The following TMPRSS9 variants were observed in gnomAD, a reference collection of about 807,000 sequenced individuals.
TMPRSS9 encodes the protein transmembrane serine protease 9, also known as transmembrane protease serine 9.
In TMPRSS9, 113 loss-of-function variants were observed where a neutral mutation model predicts 111.4. The observed-to-expected ratio is 1.01, with a 90% confidence interval of 0.87 to 1.19. The LOEUF (loss-of-function observed/expected upper bound fraction) is 1.19, where lower values mean the gene tolerates loss of function less well. TMPRSS9 is among the 50% of genes most tolerant of loss of function. The pLI, the probability that TMPRSS9 is intolerant of heterozygous loss-of-function variation, is 0.00. For missense variants in TMPRSS9, 1,803 were observed against 1,513.1 expected (o/e 1.19, Z -3.18); for synonymous variants, 805 against 659.1 (o/e 1.22, Z -3.39).
At chr19:2,414,262 C>T (rs966884166) in intron 10 of TMPRSS9, 16 of 407,206 alleles carry the variant, frequency 3.9e-5, no homozygotes, top group East Asian at 1.9e-4. Flanking sequence ...TTTTTTGAGA[C>T]GCAGTCTTGC....
At chr19:2,421,940 T>C in exon 14 of TMPRSS9, 1 of 1,613,128 alleles carries the variant, frequency 6.2e-7, no homozygotes, top group Non-Finnish European at 8.5e-7. Context: ...TTGGCTGCGC[T>C]CAGGTTAAGA....
chr19:2,408,888 C>CT (rs1378677669), intron 8 of TMPRSS9, among the ~76,000 whole-genome samples: 1 of 151,082 alleles, frequency 6.6e-6, no homozygotes, highest in African/African-American at 2.4e-5. Flanking sequence ...ACTCAGGAGG[C>CT]TAAGGCAGGA....
At chr19:2,363,514 G>A (rs1293266760) in intron 1 of TMPRSS9, among the ~76,000 whole-genome samples, 2 of 151,638 alleles carry the variant, frequency 1.3e-5, no homozygotes, top group African/African-American at 2.4e-5. Flanking sequence ...GTTGTGGGGG[G>A]GTGGGGGGAC....
intron 1 of TMPRSS9, among the ~76,000 whole-genome samples, chr19:2,366,203 C>T (rs992404460): frequency 2.6e-5 from 4 of 151,988 alleles, no homozygotes; most frequent in South Asian, 4.1e-4. Context: ...AAAAATTAGC[C>T]GGGTGTGGTG....
exon 12 of TMPRSS9, chr19:2,416,616 G>T (rs1415102844): frequency 2.5e-6 from 4 of 1,612,570 alleles, no homozygotes; most frequent in Admixed American, 1.7e-5. Context: ...TGAAGATCGG[G>T]CTGCGGCGGG....
chr19:2,372,313 G>A (rs1275128302), intron 1 of TMPRSS9, among the ~76,000 whole-genome samples: 4 of 151,510 alleles, frequency 2.6e-5, no homozygotes, highest in African/African-American at 9.7e-5. Flanking sequence ...GTTTGCCTGG[G>A]GGCATTCTCA....
exon 16 of TMPRSS9, chr19:2,425,157 CGGTGCGTCGCAGCCGCCT>C (rs768253955): frequency 3.8e-6 from 6 of 1,570,788 alleles, no homozygotes; most frequent in East Asian, 4.7e-5. Context: ...CTGGCGGGGC[CGGTGCGTCGCAGCCGCCT>C]GGTGCGTCCC....
At chr19:2,407,608 C>CTTTTCTTTTT (rs1599301337) in intron 7 of TMPRSS9, among the ~76,000 whole-genome samples, 4 of 98,404 alleles carry the variant, frequency 4.1e-5, no homozygotes, top group South Asian at 3.0e-4. Flanking sequence ...CTTTTCTTTT[C>CTTTTCTTTTT]TTTTTTTTTT....
chr19:2,363,671 C>T (rs920424773), intron 1 of TMPRSS9, among the ~76,000 whole-genome samples: 2 of 151,516 alleles, frequency 1.3e-5, no homozygotes, highest in African/African-American at 4.9e-5. Context: ...CGGCCCTGCG[C>T]CCCTCGGTCC....
chr19:2,419,730 T>C (rs1467209443), intron 13 of TMPRSS9, among the ~76,000 whole-genome samples: 4 of 152,084 alleles, frequency 2.6e-5, no homozygotes, highest in East Asian at 3.9e-4. Context: ...TTGGCCAGGC[T>C]GGTCTCGAAC....
exon 4 of TMPRSS9, chr19:2,399,090 G>C: frequency 6.2e-7 from 1 of 1,613,674 alleles, no homozygotes. Context: ...CGCTGAGCCT[G>C]GGCCTGGAGG....
At chr19:2,417,929 T>A in intron 12 of TMPRSS9, 73 bp from the exon 14 acceptor site, 5 of 1,581,890 alleles carry the variant, frequency 3.2e-6, no homozygotes, top group Non-Finnish European at 4.3e-6. Context: ...ATCTCGGGGC[T>A]GTTATCGGAG....
intron 4 of TMPRSS9, among the ~76,000 whole-genome samples, chr19:2,399,694 C>G (rs986550101): frequency 3.2e-4 from 48 of 151,888 alleles, no homozygotes; most frequent in African/African-American, 9.7e-4. Flanking sequence ...GTTGTGTTGT[C>G]TTGTCTTGTC....
At chr19:2,415,791 A>G in exon 11 of TMPRSS9, 1 of 1,606,810 alleles carries the variant, frequency 6.2e-7, no homozygotes, top group Non-Finnish European at 8.5e-7. Context: ...TCTGCGGAGC[A>G]ACTGTGGTGG....
intron 1 of TMPRSS9, among the ~76,000 whole-genome samples, chr19:2,368,169 C>T (rs529806595): frequency 2.6e-5 from 4 of 152,080 alleles, no homozygotes; most frequent in South Asian, 2.1e-4. Flanking sequence ...GGCTACGGAA[C>T]GGAGAGACTG....
chr19:2,389,123 G>C (rs1431179225), upstream of TMPRSS9, among the ~76,000 whole-genome samples: 4 of 150,728 alleles, frequency 2.7e-5, no homozygotes, highest in Non-Finnish European at 5.9e-5. Flanking sequence ...CGCCAGGCTG[G>C]AGTGCAGTGG....
intron 10 of TMPRSS9, 156 bp downstream of exon 11, chr19:2,414,174 C>T (rs1034800149): frequency 9.5e-6 from 7 of 734,856 alleles, no homozygotes; most frequent in Non-Finnish European, 1.5e-5. Flanking sequence ...TGCGTGTACC[C>T]TCATGGTATC....
chr19:2,424,130 G>C (rs753542628), exon 15 of TMPRSS9: 2 of 1,399,734 alleles, frequency 1.4e-6, no homozygotes, highest in Non-Finnish European at 1.9e-6. Context: ...GATTGTGGGC[G>C]GCAGCGCAGC....
intron 17 of TMPRSS9, 198 bp from the exon 19 acceptor site, chr19:2,425,729 G>GA (rs1971607197): frequency 8.8e-7 from 1 of 1,139,104 alleles, no homozygotes; most frequent in African/African-American, 1.6e-5. Flanking sequence ...GCTGCAGTGG[G>GA]AGGCACCGTT....
Sources: allele counts gnomAD v4.1 joint callset (sites outside exome capture counted in the v4.1 genomes callset), GRCh38; gene constraint gnomAD v4.1.1; transcripts MANE v1.5; gene names NCBI Gene and HGNC (gene_info 2026-07-23, HGNC 2026-07-21).